CRPPA: variants seen among roughly 807,000 people sequenced by gnomAD.
CRPPA encodes the protein CDP-L-ribitol pyrophosphorylase A.
CRPPA carries 43 observed loss-of-function variants against 52.0 expected under a neutral mutation model. That is an observed-to-expected ratio of 0.83 (90% CI 0.65 to 1.07). The LOEUF (loss-of-function observed/expected upper bound fraction) is 1.07. Among genes scored for constraint, CRPPA ranks in the 50% least tolerant of loss-of-function variants. The probability of loss-of-function intolerance (pLI) is 0.00; values close to 1 mark genes in which losing one functional copy is unlikely to be tolerated. For synonymous variants in CRPPA, 250 were observed against 203.5 expected (o/e 1.23, Z -1.94); for missense variants, 629 against 551.7 (o/e 1.14, Z -1.40).
chr7:16,250,888 A>G (rs1161860922), intron 8 of CRPPA, among the ~76,000 whole-genome samples: 1 of 152,176 alleles, frequency 6.6e-6, no homozygotes, highest in East Asian at 1.9e-4. Flanking sequence ...TTAACCTTAA[A>G]TGTAAATGGA....
chr7:16,413,818 C>G (rs968267802), intron 1 of CRPPA, among the ~76,000 whole-genome samples: 2 of 152,112 alleles, frequency 1.3e-5, no homozygotes, highest in African/African-American at 2.4e-5. Context: ...GATTTCCAAG[C>G]CCAATCTCAA....
rs948600213 is a variant in CRPPA, at chr7:16,378,621, T to C, written c.535-2380A>G. On this transcript the variant is annotated intron_variant, in intron 2 of 9. Transcript: ENST00000407010. ...CATGATTTATAGTCCTTTGGGTATA[T>C]ACCCAGTAATGGGATGGCTGGGTCA... is the stretch of plus-strand genomic sequence containing the variant. 1.4e-3 allele frequency among the ~76,000 whole-genome samples: 208 copies of C among 152,128 alleles called. 1 individual carries two copies. Among genetic ancestry groups the C allele is most frequent in the African/African-American group, 4.6e-3 (190 of 41,466 alleles).
intron 2 of CRPPA, among the ~76,000 whole-genome samples, chr7:16,386,406 T>G (rs775667598): frequency 1.3e-5 from 2 of 152,216 alleles, no homozygotes; most frequent in African/African-American, 2.4e-5. Flanking sequence ...CATTTGGGTG[T>G]GAAAACAGGA....
At chr7:16,238,924 A>C (rs1583456225) in intron 8 of CRPPA, among the ~76,000 whole-genome samples, 1 of 152,068 alleles carries the variant, frequency 6.6e-6, no homozygotes, top group Non-Finnish European at 1.5e-5. Context: ...GATCACTTGA[A>C]GTCAGGAGTT....
chr7:16,115,132 A>G (rs551571585), intron 9 of CRPPA, among the ~76,000 whole-genome samples: 2 of 152,216 alleles, frequency 1.3e-5, no homozygotes, highest in South Asian at 4.1e-4. Context: ...ACCAAAATGT[A>G]CTATAAATAA....
At chr7:16,254,056 T>C (rs1783538852) in intron 8 of CRPPA, among the ~76,000 whole-genome samples, 1 of 152,120 alleles carries the variant, frequency 6.6e-6, no homozygotes, top group Non-Finnish European at 1.5e-5. Flanking sequence ...TCACAGCAGT[T>C]AGAATGGCGA....
At chr7:16,113,918 T>C (rs1782316429) in intron 9 of CRPPA, among the ~76,000 whole-genome samples, 1 of 151,900 alleles carries the variant, frequency 6.6e-6, no homozygotes, top group Non-Finnish European at 1.5e-5. Context: ...AATAAGTACA[T>C]AAATCTAAAC....
At chr7:16,280,176 C>G (rs1210882095) in intron 5 of CRPPA, among the ~76,000 whole-genome samples, 1 of 152,192 alleles carries the variant, frequency 6.6e-6, no homozygotes, top group Non-Finnish European at 1.5e-5. Context: ...GGTGGGGACA[C>G]AGCCAAACCA....
At chr7:16,350,761 A>G (rs1414582798) in intron 3 of CRPPA, among the ~76,000 whole-genome samples, 1 of 152,178 alleles carries the variant, frequency 6.6e-6, no homozygotes, top group African/African-American at 2.4e-5. Context: ...TTACCTATCA[A>G]TAATTACTTT....
chr7:16,339,405 A>C (rs1470364849), intron 3 of CRPPA, among the ~76,000 whole-genome samples: 2 of 152,194 alleles, frequency 1.3e-5, no homozygotes, highest in Non-Finnish European at 2.9e-5. Context: ...AAAATCCATC[A>C]GTGTAACCTG....
chr7:16,264,241 C>T (rs1031389636), intron 6 of CRPPA, among the ~76,000 whole-genome samples: 1 of 152,140 alleles, frequency 6.6e-6, no homozygotes, highest in Non-Finnish European at 1.5e-5. Context: ...TGCTGTCATT[C>T]CTGATGTTTC....
intron 9 of CRPPA, among the ~76,000 whole-genome samples, chr7:16,172,234 C>G (rs1192629182): frequency 6.6e-6 from 1 of 152,116 alleles, no homozygotes; most frequent in South Asian, 2.1e-4. Flanking sequence ...GAGCAAAGTA[C>G]AAACTAAGGA....
At position 16,419,280 on chromosome 7, in the gene CRPPA, TGAAAATTATAACTGA is replaced by T. The variant is rs1376082374; in HGVS notation, c.257+1771_257+1785del. On this transcript the variant is annotated intron_variant, in intron 1 of 9. Transcript: ENST00000407010. ...ATATGAGAACCTGAAACTGCCTTTG[TGAAAATTATAACTGA>T]GGAAATTAGGACAGTGAAAGATCAG... Among the ~76,000 whole-genome samples the T allele has an allele frequency of 4.6e-5, 7 of 152,346 alleles. No homozygotes were observed. The East Asian group carries it at 1.3e-3, about 29-fold the overall frequency.
At chr7:16,225,629 C>G (rs2128401385) in intron 8 of CRPPA, among the ~76,000 whole-genome samples, 1 of 151,914 alleles carries the variant, frequency 6.6e-6, no homozygotes, top group South Asian at 2.1e-4. Flanking sequence ...AGTGAATTGT[C>G]AAAATTTCAT....
At chr7:16,178,446 T>C (rs1242147380) in intron 9 of CRPPA, among the ~76,000 whole-genome samples, 4 of 152,114 alleles carry the variant, frequency 2.6e-5, no homozygotes. Context: ...TAAAGAAACA[T>C]TTATGCCTGC....
chr7:16,389,368 C>T (rs1005015211), intron 2 of CRPPA, among the ~76,000 whole-genome samples: 3 of 152,182 alleles, frequency 2.0e-5, no homozygotes, highest in Non-Finnish European at 1.5e-5. Context: ...AAGATACCTA[C>T]AAACCCAATT....
chr7:16,286,044 AAT>A (rs1175134468), intron 5 of CRPPA, among the ~76,000 whole-genome samples: 675 of 12,518 alleles, frequency 0.054, 29 homozygotes, highest in Middle Eastern at 0.25. Context: ...AAAAAATATA[AAT>A]ATATATATAT....
rs754552248 is a variant in CRPPA at position 16,278,130 on chromosome 7, T to C, written c.932A>G (p.Asn311Ser). ...CAAACTCAGTCTTTGAATACTTACA[T>C]TTAATTCACTTTTCAGCACTTCTTC... ...LLEEVLKSEL[N>S]HVKVTSEALG... The change falls in exon 6 of 10, where the codon AAT (asparagine) becomes AGT (serine). Residue 311 changes from asparagine to serine, a missense_variant and splice_region_variant. Physicochemically the swap from Asn to Ser is conservative, Grantham distance 46. Coordinates refer to ENST00000407010, the MANE Select transcript of CRPPA (RefSeq NM_001101426.4). 2.0e-6 allele frequency: 3 copies of C among 1,491,786 alleles called. No homozygotes were observed. Among genetic ancestry groups the C allele is most frequent in the Non-Finnish European group, 2.8e-6 (3 of 1,079,592 alleles). The allele number at this position is 1,491,786 out of a possible 1,614,324, so 92.4% of individuals were successfully genotyped here.
At chr7:16,392,212 A>C (rs1274831192) in intron 2 of CRPPA, among the ~76,000 whole-genome samples, 1 of 152,140 alleles carries the variant, frequency 6.6e-6, no homozygotes, top group East Asian at 1.9e-4. Context: ...AAAGCTTCCA[A>C]TCCAACAATT....
Sources: allele counts gnomAD v4.1 joint callset (sites outside exome capture counted in the v4.1 genomes callset), GRCh38; gene constraint gnomAD v4.1.1; transcripts MANE v1.5; gene names NCBI Gene and HGNC (gene_info 2026-07-23, HGNC 2026-07-21).